ZNF585B: variants seen among roughly 807,000 people sequenced by gnomAD.
ZNF585B encodes the protein zinc finger protein 585B.
ZNF585B carries 7 observed loss-of-function variants against 14.0 expected under a neutral mutation model. The ratio of observed to expected loss-of-function variants is 0.50; its 90% CI spans 0.28 to 0.94. The LOEUF (loss-of-function observed/expected upper bound fraction) is 0.94. Ranked by LOEUF, ZNF585B falls within the 40% of genes least tolerant of loss-of-function variation. The pLI is 0.09. For missense variants in ZNF585B, 750 were observed against 924.4 expected, an observed-to-expected ratio of 0.81 and a Z score of 2.45; for synonymous variants, 290 against 317.3, an observed-to-expected ratio of 0.91 and a Z score of 0.91.
In ZNF585B at chr19:37,185,483, G is replaced by A. The variant is rs1356671531; in HGVS notation, c.2054C>T (p.Thr685Ile). 9 of 1,612,374 alleles carry A rather than the reference G, an allele frequency of 5.6e-6. No individual in the cohort carries two copies. Among genetic ancestry groups the A allele is most frequent in the Non-Finnish European group, 5.9e-6 (7 of 1,179,218 alleles). Residue 685 changes from threonine (T) to isoleucine (I), a missense_variant, in exon 5 of 5, where the codon ACT (threonine) becomes ATT (isoleucine). Physicochemically the swap from Thr to Ile is moderately conservative, Grantham distance 89 (BLOSUM62 -1). Coordinates refer to ENST00000532828, the MANE Select transcript of ZNF585B (RefSeq NM_152279.4). ...ACTGCACTCATAAGGTTTCTCTCCA[G>A]TATGAATTCTGTGATGTGTAATCAA... ...SELITHHRIH[T>I]GEKPYECSDC...
rs748674306 is a variant in ZNF585B at position 37,186,008 on chromosome 19, A to G, written c.1529T>C (p.Ile510Thr). ...CCCAGTATGGATTCTCTGATGTGTA[A>G]TCAAGTCTGACCTCTGGGTGAAGGC... ...GKAFTQRSDL[I>T]THQRIHTGEK... Residue 510 changes from isoleucine to threonine, a missense_variant, in exon 5 of 5, where the codon ATT (isoleucine) becomes ACT (threonine). Physicochemically the swap from Ile to Thr is moderately conservative, Grantham distance 89. This residue lies in a region of ZNF585B where 233 missense variants were observed against 354.1 expected (regional missense o/e 0.66). Transcript: ENST00000532828. 6.2e-7 allele frequency: 1 copy of G among 1,613,924 alleles called. No homozygotes were observed. Among genetic ancestry groups the G allele is most frequent in the South Asian group, 1.1e-5 (1 of 91,062 alleles).
At chr19:37,191,100 A>C (rs1445802581) in intron 2 of ZNF585B, among the ~76,000 whole-genome samples, 3 of 152,186 alleles carry the variant, frequency 2.0e-5, no homozygotes, top group Non-Finnish European at 4.4e-5. Context: ...AAGCACCACA[A>C]AATGCAAATT....
chr19:37,195,731 G>A (rs1256425317), intron 2 of ZNF585B: 1 of 151,784 alleles, frequency 6.6e-6, no homozygotes, highest in Non-Finnish European at 1.5e-5. Context: ...AACTTACAAA[G>A]AAGAATTAGT....
intron 2 of ZNF585B, chr19:37,198,901 A>G (rs937251019): frequency 8.2e-7 from 1 of 1,217,298 alleles, no homozygotes; most frequent in Non-Finnish European, 1.1e-6. Flanking sequence ...AGATATTTAT[A>G]ATTTTTAATA....
At chr19:37,187,340 T>C in intron 4 of ZNF585B, 96 bp from the exon 5 acceptor site, 2 of 943,784 alleles carry the variant, frequency 2.1e-6, no homozygotes, top group South Asian at 1.8e-5. Flanking sequence ...ATCATGAATG[T>C]GTAGATCTAA....
At chr19:37,195,133 T>G (rs985539781) in intron 2 of ZNF585B, among the ~76,000 whole-genome samples, 1 of 150,814 alleles carries the variant, frequency 6.6e-6, no homozygotes, top group African/African-American at 2.4e-5. Flanking sequence ...TCACATGAGG[T>G]CAGGAGTTCG....
At chr19:37,197,033 A>C (rs536883340) in intron 2 of ZNF585B, among the ~76,000 whole-genome samples, 3 of 152,278 alleles carry the variant, frequency 2.0e-5, no homozygotes, top group African/African-American at 7.2e-5. Flanking sequence ...CACAACGTGC[A>C]GGTTTGATAC....
Position 37,207,078 on chromosome 19 carries a change from A to C in ZNF585B, c.34T>G (p.Ser12Ala). 1 of 1,614,110 alleles carries C rather than the reference A, an allele frequency of 6.2e-7. No individual in the cohort carries two copies. The highest frequency in any genetic ancestry group is 1.1e-5 in the South Asian group (1 of 91,084). The stretch of plus-strand genomic sequence containing the variant: ...CCATGATCCTCTGGAGCCAGGGCTG[A>C]GGATTTCTGGGGTGAGGTCCAACTA... ...PASWTSPQKS[S>A]ALAPEDHGSS... Residue 12 changes from serine to alanine, a missense_variant, in exon 2 of 5, where the codon TCA becomes GCA. Transcript: ENST00000532828.
intron 2 of ZNF585B, chr19:37,195,924 G>C (rs1253786201): frequency 6.6e-6 from 1 of 152,346 alleles, no homozygotes; most frequent in Non-Finnish European, 1.5e-5. Context: ...TACTCGGGAG[G>C]CTGAGGCAGG....
chr19:37,195,008 A>G (rs1034902240), intron 2 of ZNF585B, among the ~76,000 whole-genome samples: 1 of 152,200 alleles, frequency 6.6e-6, no homozygotes, highest in Non-Finnish European at 1.5e-5. Context: ...CCACAGTTAA[A>G]TGACCTATAG....
intron 2 of ZNF585B, among the ~76,000 whole-genome samples, chr19:37,200,202 T>A (rs976369262): frequency 1.3e-5 from 2 of 152,012 alleles, no homozygotes; most frequent in African/African-American, 4.8e-5. Context: ...TTTTTTGTTT[T>A]TCAAGCAACA....
chr19:37,185,463 A>C lies in ZNF585B; in HGVS notation c.2074T>G (p.Cys692Gly), dbSNP rs1972322400. ...RIHTGEKPYECSDCGKSFTKK... is the reference protein window; with the variant it reads ...RIHTGEKPYEGSDCGKSFTKK... Reference sequence around the variant, plus strand: ...GTGAAAGACTTCCCACAGTCACTGCACTCATAAGGTTTCTCTCCAGTATGA... The same window carrying C: ...GTGAAAGACTTCCCACAGTCACTGCCCTCATAAGGTTTCTCTCCAGTATGA... Residue 692 changes from cysteine to glycine, a missense_variant, in exon 5 of 5, where the codon TGC becomes GGC. Physicochemically the swap from Cys to Gly is radical, Grantham distance 159 (BLOSUM62 -3). Transcript: ENST00000532828. 1 of 1,612,436 alleles carries C rather than the reference A, an allele frequency of 6.2e-7. No individual in the cohort carries two copies. Among genetic ancestry groups the C allele is most frequent in the Non-Finnish European group, 8.5e-7 (1 of 1,179,164 alleles).
chr19:37,189,864 A>C, intron 3 of ZNF585B, 111 bp from the exon 4 acceptor site: 1 of 1,568,346 alleles, frequency 6.4e-7, no homozygotes, highest in Non-Finnish European at 8.7e-7. Context: ...GTAACCAGAT[A>C]TCTCTGAGTA....
At chr19:37,197,050 A>G (rs770079367) in intron 2 of ZNF585B, among the ~76,000 whole-genome samples, 2 of 152,166 alleles carry the variant, frequency 1.3e-5, no homozygotes, top group Non-Finnish European at 2.9e-5. Context: ...ATACATAAGT[A>G]CATATGTGCC....
Position 37,185,424 on chromosome 19 carries a change from G to C in ZNF585B, c.2113C>G (p.Leu705Val), listed in dbSNP as rs2145429558. The C allele has an allele frequency of 6.2e-7, 1 of 1,613,648 alleles. No individual in the cohort carries two copies. The highest frequency in any genetic ancestry group is 1.7e-5 in the Admixed American group (1 of 59,970). ...CGKSFTKKSQ[L>V]QVHQRIHTGE... ...GTGTGAATTCGCTGATGCACTTGGA[G>C]CTGTGATTTTTTAGTGAAAGACTTC... The change falls in exon 5 of 5, where the codon CTC becomes GTC. Residue 705 changes from leucine (L) to valine (V), a missense_variant. Around this residue, in one of 2 missense-constraint regions of ZNF585B, gnomAD observed 233 missense variants for 354.1 expected, o/e 0.66. Transcript: ENST00000532828.
At chr19:37,194,515 A>T (rs1160687157) in intron 2 of ZNF585B, among the ~76,000 whole-genome samples, 1 of 152,144 alleles carries the variant, frequency 6.6e-6, no homozygotes, top group Non-Finnish European at 1.5e-5. Context: ...TGGGAGGCTG[A>T]GGGAGGAGAA....
rs554831728 is a variant in ZNF585B at position 37,201,246 on chromosome 19, C to T, written c.72+5794G>A. ...CCTTAATATTTGAGCTGAATTCTCACCAAAAAAATTAAATATGACAAGGAC... is the reference window on the plus strand; with the variant it reads ...CCTTAATATTTGAGCTGAATTCTCATCAAAAAAATTAAATATGACAAGGAC... On this transcript the variant is annotated intron_variant, in intron 2 of 4. Coordinates refer to ENST00000532828, the MANE Select transcript of ZNF585B (RefSeq NM_152279.4). Among the ~76,000 whole-genome samples, 4 of 151,996 alleles carry T rather than the reference C, an allele frequency of 2.6e-5. No homozygotes were observed. The South Asian group carries it at 8.3e-4, about 32-fold the overall frequency.
At chr19:37,188,592 C>G (rs149582445) in intron 4 of ZNF585B, among the ~76,000 whole-genome samples, 2 of 152,304 alleles carry the variant, frequency 1.3e-5, no homozygotes, top group East Asian at 3.9e-4. Flanking sequence ...TCATTTGAAC[C>G]TGGGAAGTGG....
At chr19:37,200,948 G>A (rs143545660) in intron 2 of ZNF585B, among the ~76,000 whole-genome samples, 25 of 151,580 alleles carry the variant, frequency 1.6e-4, no homozygotes, top group Admixed American at 1.1e-3. Flanking sequence ...AAAATTAGCC[G>A]GGCATGGTGA....
Sources: gnomAD v4.1 joint callset for allele counts (sites outside exome capture counted in the v4.1 genomes callset) on GRCh38, gnomAD v4.1.1 for gene constraint, gnomAD v4.1.1 regional missense constraint, MANE v1.5 for transcripts, NCBI Gene and HGNC (gene_info 2026-07-23, HGNC 2026-07-21) for gene names.